The following MLNR variants were observed in gnomAD, a reference collection of about 807,000 sequenced individuals.
The protein encoded by MLNR is motilin receptor.
A neutral mutation model predicts 20.0 loss-of-function variants in MLNR; 16 were observed. The ratio of observed to expected loss-of-function variants is 0.80; its 90% CI spans 0.54 to 1.22. The LOEUF is 1.22. MLNR is among the 50% of genes most tolerant of loss of function. The pLI, the probability that MLNR is intolerant of heterozygous loss-of-function variation, is 0.00. For missense variants in MLNR, 630 were observed against 592.3 expected (o/e 1.06, Z -0.66); for synonymous variants, 302 against 287.2 (o/e 1.05, Z -0.52).
chr13:49,221,928 C>A, intron 1 of MLNR, 112 bp from the exon 2 acceptor site: 1 of 992,146 alleles, frequency 1.0e-6, no homozygotes, highest in East Asian at 2.5e-5. Context: ...TAGAAGTTTT[C>A]TCTAATTTAT....
intron 1 of MLNR, 61 bp downstream of exon 1, chr13:49,221,299 C>T (rs1327452967): frequency 1.3e-6 from 2 of 1,502,330 alleles, no homozygotes; most frequent in Admixed American, 2.0e-5. Flanking sequence ...CCGGGGACCG[C>T]GCAAACGCTG....
In MLNR at chr13:49,221,147, C is replaced by A; in HGVS notation, c.810C>A (p.Ile270=). 1 of 1,591,240 alleles carries A rather than the reference C, an allele frequency of 6.3e-7. No individual in the cohort carries two copies. Among genetic ancestry groups the A allele is most frequent in the South Asian group, 1.1e-5 (1 of 90,060 alleles). Residue 270 remains isoleucine (I), a synonymous_variant, in exon 1 of 2, where the codon ATC becomes ATA. Transcript: ENST00000218721. The stretch of plus-strand genomic sequence containing the variant: ...GCCTCAGCATCCTCTACGGGCTCAT[C>A]GGGCGGGAGCTGTGGAGCAGCCGGC... ...FLCLSILYGL[I]GRELWSSRRP... is the part of the protein sequence containing the mutation.
rs141878008 is a variant in MLNR at position 49,222,345 on chromosome 13, G to A, written c.1207G>A (p.Glu403Lys). Reference protein sequence around the residue: ...DTGGDTVGYTETSANVKTMG With the variant: ...DTGGDTVGYTKTSANVKTMG ...TGGAGGAGACACGGTGGGCTACACC[G>A]AGACAAGCGCTAACGTGAAGACGAT... Residue 403 changes from glutamate (E) to lysine (K), a missense_variant, in exon 2 of 2, where the codon GAG becomes AAG. Transcript: ENST00000218721. 52 of 1,613,348 alleles carry A rather than the reference G, an allele frequency of 3.2e-5. No homozygotes were observed. Among genetic ancestry groups the A allele is most frequent in the Non-Finnish European group, 4.1e-5 (48 of 1,179,856 alleles).
At chr13:49,221,283 G>A (rs760608695) in intron 1 of MLNR, 45 bp downstream of exon 1, 1 of 1,530,486 alleles carries the variant, frequency 6.5e-7, no homozygotes, top group African/African-American at 1.4e-5. Context: ...CCTGCAGTCC[G>A]CCCCGCCGGG....
rs200236330 is a variant in MLNR at position 49,222,354 on chromosome 13, G to A, written c.1216G>A (p.Ala406Thr). The change falls in exon 2 of 2, where the codon GCT becomes ACT. Residue 406 changes from alanine (A) to threonine (T), a missense_variant. By Grantham distance (58) the Ala-to-Thr change is moderately conservative (BLOSUM62 0). Coordinates refer to ENST00000218721, the MANE Select transcript of MLNR (RefSeq NM_001507.1). The part of the protein sequence containing the change: ...GDTVGYTETS[A>T]NVKTMG ...CACGGTGGGCTACACCGAGACAAGC[G>A]CTAACGTGAAGACGATGGGATAACC... is the stretch of plus-strand genomic sequence containing the variant. 3.7e-5 allele frequency: 59 copies of A among 1,612,832 alleles called. No individual in the cohort carries two copies. Among genetic ancestry groups the A allele is most frequent in the Non-Finnish European group, 4.7e-5 (55 of 1,179,640 alleles).
rs987540907 is a variant in MLNR at position 49,220,361 on chromosome 13, C to G, written c.24C>G (p.Ser8Arg). 9 of 1,409,182 alleles carry G rather than the reference C, an allele frequency of 6.4e-6. No individual in the cohort carries two copies. The highest frequency in any genetic ancestry group is 4.6e-5 in the African/African-American group (3 of 65,762). 87.3% of individuals were successfully genotyped at this position (1,409,182 alleles called of 1,614,324 possible). MGSPWNG[S>R]DGPEGAREPP... ...CCATGGGCAGCCCCTGGAACGGCAG[C>G]GACGGCCCCGAGGGGGCGCGGGAGC... Residue 8 changes from serine (S) to arginine (R), a missense_variant, in exon 1 of 2, where the codon AGC becomes AGG. Coordinates refer to ENST00000218721, the MANE Select transcript of MLNR (RefSeq NM_001507.1). The surrounding 1 kb of genome is among the most constrained non-coding windows in gnomAD (Gnocchi z 4.4).
rs1021412125 is a variant in MLNR, at chr13:49,220,439, C to A, written c.102C>A (p.Pro34=). ...ACGAGCGCCGCTGCTCGCCCTTTCC[C>A]CTGGGGGCGCTGGTGCCGGTGACCG... The part of the protein sequence containing the change: ...PCDERRCSPF[P]LGALVPVTAV... Residue 34 remains proline, a synonymous_variant, in exon 1 of 2, where the codon CCC becomes CCA. Coordinates refer to ENST00000218721, the MANE Select transcript of MLNR (RefSeq NM_001507.1). The surrounding 1 kb of genome is among the most constrained non-coding windows in gnomAD (Gnocchi z 4.4). 6.5e-7 allele frequency: 1 copy of A among 1,547,686 alleles called. No homozygotes were observed. Among genetic ancestry groups the A allele is most frequent in the Non-Finnish European group, 8.7e-7 (1 of 1,150,798 alleles).
In MLNR at chr13:49,222,047, G is replaced by A; in HGVS notation, c.909G>A (p.Val303=). 1 of 1,613,250 alleles carries A rather than the reference G, an allele frequency of 6.2e-7. No individual in the cohort carries two copies. Among genetic ancestry groups the A allele is most frequent in the Non-Finnish European group, 8.5e-7 (1 of 1,179,398 alleles). ...HRQTVRVLLV[V]VLAFIICWLP... is the part of the protein sequence containing the mutation. ...CTGTGTCTTATGTTGCAGTGGTGGT[G>A]GTTCTGGCATTTATAATTTGCTGGT... Residue 303 remains valine, a synonymous_variant, in exon 2 of 2, where the codon GTG becomes GTA. Transcript: ENST00000218721.
At position 49,220,740 on chromosome 13, in the gene MLNR, G is replaced by A. The variant is rs1356435440; in HGVS notation, c.403G>A (p.Glu135Lys). Residue 135 changes from glutamate (E) to lysine (K), a missense_variant, in exon 1 of 2, where the codon GAG (glutamate) becomes AAG (lysine). By Grantham distance (56) the Glu-to-Lys change is moderately conservative. Coordinates refer to ENST00000218721, the MANE Select transcript of MLNR (RefSeq NM_001507.1). The surrounding 1 kb of genome is among the most constrained non-coding windows in gnomAD (Gnocchi z 4.4). ...GCTGCACATGACCGCGCTCAGCGTC[G>A]AGCGCTACCTGGCCATCTGCCGCCC... is the stretch of plus-strand genomic sequence containing the variant. ...TLLHMTALSV[E>K]RYLAICRPLR... 7 of 1,578,530 alleles carry A rather than the reference G, an allele frequency of 4.4e-6. No homozygotes were observed. The Admixed American group carries it at 9.1e-5, about 20-fold the overall frequency.
chr13:49,221,291 G>A (rs1451952810), intron 1 of MLNR, 53 bp downstream of exon 1: 2 of 1,521,628 alleles, frequency 1.3e-6, no homozygotes, highest in Non-Finnish European at 1.8e-6. Context: ...CCGCCCCGCC[G>A]GGGACCGCGC....
At position 49,221,184 on chromosome 13, in the gene MLNR, G is replaced by C. The variant is rs1302302160; in HGVS notation, c.847G>C (p.Gly283Arg). 1 of 1,585,986 alleles carries C rather than the reference G, an allele frequency of 6.3e-7. No individual in the cohort carries two copies. The highest frequency in any genetic ancestry group is 2.3e-5 in the East Asian group (1 of 43,812). Residue 283 changes from glycine to arginine, a missense_variant, in exon 1 of 2, where the codon GGC becomes CGC. Coordinates refer to ENST00000218721, the MANE Select transcript of MLNR (RefSeq NM_001507.1). ...ELWSSRRPLR[G>R]PAASGRERGH... Reference sequence around the variant, plus strand: ...GTGGAGCAGCCGGCGGCCGCTGCGAGGCCCGGCCGCCTCGGGGCGGGAGAG... The same window carrying C: ...GTGGAGCAGCCGGCGGCCGCTGCGACGCCCGGCCGCCTCGGGGCGGGAGAG...
intron 1 of MLNR, chr13:49,221,480 A>G: frequency 1.4e-5 from 8 of 558,424 alleles, no homozygotes; most frequent in Non-Finnish European, 2.2e-5. Flanking sequence ...CCCGGATCCG[A>G]TTCAGTAACC....
chr13:49,220,790 C>A lies in MLNR; in HGVS notation c.453C>A (p.Thr151=). The change falls in exon 1 of 2, where the codon ACC becomes ACA. Residue 151 remains threonine, a synonymous_variant. Coordinates refer to ENST00000218721, the MANE Select transcript of MLNR (RefSeq NM_001507.1). The surrounding 1 kb of genome is among the most constrained non-coding windows in gnomAD (Gnocchi z 4.4). ...CGCTCCGCGCCCGCGTCTTGGTCAC[C>A]CGGCGCCGCGTCCGCGCGCTCATCG... The part of the protein sequence containing the change: ...CRPLRARVLV[T]RRRVRALIAV... 1 of 1,565,470 alleles carries A rather than the reference C, an allele frequency of 6.4e-7. No individual in the cohort carries two copies. Among genetic ancestry groups the A allele is most frequent in the Non-Finnish European group, 8.6e-7 (1 of 1,156,400 alleles).
In MLNR at chr13:49,220,784, G is replaced by C; in HGVS notation, c.447G>C (p.Leu149Phe). The C allele has an allele frequency of 6.4e-7, 1 of 1,566,102 alleles. No homozygotes were observed. The highest frequency in any genetic ancestry group is 8.6e-7 in the Non-Finnish European group (1 of 1,156,718). The change falls in exon 1 of 2, where the codon TTG (leucine) becomes TTC (phenylalanine). Residue 149 changes from leucine to phenylalanine, a missense_variant. Physicochemically the swap from Leu to Phe is conservative, Grantham distance 22. Coordinates refer to ENST00000218721, the MANE Select transcript of MLNR (RefSeq NM_001507.1). This position sits in a 1 kb window ranked among gnomAD's most constrained non-coding sequence, Gnocchi z 4.4. The part of the protein sequence containing the change: ...AICRPLRARV[L>F]VTRRRVRALI... ...GCCGCCCGCTCCGCGCCCGCGTCTTGGTCACCCGGCGCCGCGTCCGCGCGC... is the reference window on the plus strand; with the variant it reads ...GCCGCCCGCTCCGCGCCCGCGTCTTCGTCACCCGGCGCCGCGTCCGCGCGC...
Position 49,220,472 on chromosome 13 carries a change from C to T in MLNR, c.135C>T (p.Cys45=). 5 of 1,579,406 alleles carry T rather than the reference C, an allele frequency of 3.2e-6. No homozygotes were observed. In the East Asian group the frequency reaches 9.4e-5, roughly 30 times the overall value. The change falls in exon 1 of 2, where the codon TGC becomes TGT. Residue 45 remains cysteine, a synonymous_variant. Coordinates refer to ENST00000218721, the MANE Select transcript of MLNR (RefSeq NM_001507.1). The surrounding 1 kb of genome is among the most constrained non-coding windows in gnomAD (Gnocchi z 4.4). ...CGCTGGTGCCGGTGACCGCTGTGTG[C>T]CTGTGCCTGTTCGTCGTCGGGGTGA... ...LGALVPVTAV[C]LCLFVVGVSG...
chr13:49,220,688 G>A lies in MLNR; in HGVS notation c.351G>A (p.Val117=), dbSNP rs199835700. The change falls in exon 1 of 2, where the codon GTG becomes GTA. Residue 117 remains valine (V), a synonymous_variant. Transcript: ENST00000218721. This position sits in a 1 kb window ranked among gnomAD's most constrained non-coding sequence, Gnocchi z 4.4. ...GPLLCRLSLY[V]GEGCTYATLL... ...TGCTCTGCCGCCTGTCCCTCTACGT[G>A]GGCGAGGGCTGCACCTACGCCACGC... The A allele has an allele frequency of 8.3e-5, 133 of 1,601,554 alleles. No individual in the cohort carries two copies. In the South Asian group the frequency reaches 1.4e-3, roughly 16 times the overall value.
rs1434246422 is a variant in MLNR at position 49,220,412 on chromosome 13, C to G, written c.75C>G (p.Cys25Trp). 6.6e-7 allele frequency: 1 copy of G among 1,526,220 alleles called. No individual in the cohort carries two copies. Among genetic ancestry groups the G allele is most frequent in the Non-Finnish European group, 8.8e-7 (1 of 1,141,992 alleles). The allele number at this position is 1,526,220 out of a possible 1,614,324, so 94.5% of individuals were successfully genotyped here. The change falls in exon 1 of 2, where the codon TGC becomes TGG. Residue 25 changes from cysteine to tryptophan, a missense_variant. By Grantham distance (215) the Cys-to-Trp change is radical. Coordinates refer to ENST00000218721, the MANE Select transcript of MLNR (RefSeq NM_001507.1). The surrounding 1 kb of genome is among the most constrained non-coding windows in gnomAD (Gnocchi z 4.4). ...CGCCGTGGCCCGCGCTGCCGCCTTGCGACGAGCGCCGCTGCTCGCCCTTTC... is the reference window on the plus strand; with the variant it reads ...CGCCGTGGCCCGCGCTGCCGCCTTGGGACGAGCGCCGCTGCTCGCCCTTTC... The part of the protein sequence containing the change: ...REPPWPALPP[C>W]DERRCSPFPL...
chr13:49,222,168 TTCTA>T lies in MLNR; in HGVS notation c.1034_1037del (p.Tyr345Ter), dbSNP rs759147816. ...CTTTAACATCGTCGCTCTGCAACTTTTCTATCTGAGCGCATCTATCAACCCAATC... is the reference window on the plus strand; with the variant it reads ...CTTTAACATCGTCGCTCTGCAACTTTTCTGAGCGCATCTATCAACCCAATC... On this transcript the variant is annotated frameshift_variant, in exon 2 of 2. Transcript: ENST00000218721. LOFTEE classifies it low-confidence loss of function (END_TRUNC). The T allele has an allele frequency of 3.7e-6, 6 of 1,613,998 alleles. No individual in the cohort carries two copies. In the African/African-American group the frequency reaches 4.0e-5, roughly 11 times the overall value.
rs1886990240 is a variant in MLNR, at chr13:49,220,630, T to C, written c.293T>C (p.Leu98Pro). The C allele has an allele frequency of 6.2e-7, 1 of 1,611,830 alleles. No individual in the cohort carries two copies. The highest frequency in any genetic ancestry group is 1.1e-5 in the South Asian group (1 of 90,850). ...LLGLPFDLYR[L>P]WRSRPWVFGP... Reference sequence around the variant, plus strand: ...GGGCTGCCGTTCGACCTGTACCGCCTCTGGCGCTCGCGGCCCTGGGTGTTC... The same window carrying C: ...GGGCTGCCGTTCGACCTGTACCGCCCCTGGCGCTCGCGGCCCTGGGTGTTC... The change falls in exon 1 of 2, where the codon CTC becomes CCC. Residue 98 changes from leucine to proline, a missense_variant. Leu to Pro is a moderately conservative substitution (Grantham distance 98). Transcript: ENST00000218721. The surrounding 1 kb of genome is among the most constrained non-coding windows in gnomAD (Gnocchi z 4.4).
Sources: gnomAD v4.1 joint callset for allele counts on GRCh38, gnomAD v4.1.1 for gene constraint, Gnocchi (gnomAD v3.1) non-coding constraint, MANE v1.5 for transcripts, NCBI Gene and HGNC (gene_info 2026-07-23, HGNC 2026-07-21) for gene names.